The following DIP2A variants were observed in gnomAD, a reference collection of about 807,000 sequenced individuals.
The protein encoded by DIP2A is disco-interacting protein 2 homolog A.
Under a neutral mutation model 177.4 loss-of-function variants are expected in DIP2A, and 85 were observed. The ratio of observed to expected loss-of-function variants is 0.48; its 90% confidence interval spans 0.40 to 0.57. The LOEUF is 0.57. Ranked by LOEUF, DIP2A falls within the 20% of genes least tolerant of loss-of-function variation. The pLI is 0.00. For synonymous variants in DIP2A, 886 were observed against 881.8 expected, an observed-to-expected ratio of 1.00 and a Z score of -0.08; for missense variants, 1,791 against 2,100.2, an observed-to-expected ratio of 0.85 and a Z score of 2.88.
chr21:46,507,258 T>C (rs2058061070), intron 6 of DIP2A, among the ~76,000 whole-genome samples: 1 of 152,226 alleles, frequency 6.6e-6, no homozygotes. Flanking sequence ...TATATTGTGC[T>C]TTTGTGTCAT....
intron 1 of DIP2A, among the ~76,000 whole-genome samples, chr21:46,468,260 TC>T (rs2055024182): frequency 8.3e-5 from 2 of 24,152 alleles, no homozygotes; most frequent in Admixed American, 4.6e-4. Context: ...TGAGACTGTC[TC>T]AAAAAAAAAA....
Position 46,555,980 on chromosome 21 carries a change from A to C in DIP2A, c.3389-2A>C. On this transcript the variant is annotated splice_acceptor_variant, in intron 28 of 37. Transcript: ENST00000417564. LOFTEE classifies it high-confidence loss of function. ...ATGTTGCTGGTGTCTCCTGTTTAAC[A>C]GATGACATCCCAAAAAAGAAGATAG... is the stretch of plus-strand genomic sequence containing the variant. The C allele has an allele frequency of 6.2e-7, 1 of 1,610,766 alleles. No homozygotes were observed. Among genetic ancestry groups the C allele is most frequent in the Non-Finnish European group, 8.5e-7 (1 of 1,176,968 alleles).
rs765769903 is a variant in DIP2A, at chr21:46,541,720, C to G, written c.2037-36C>G. 1.8e-5 allele frequency: 29 copies of G among 1,612,396 alleles called. 1 individual carries two copies. In the South Asian group the frequency reaches 2.5e-4, roughly 14 times the overall value. ...CCCACCTCCCTGGAATTTCATCCCCCTCGTCAGTTAAACCCATGGTGGTTT... is the reference window on the plus strand; with the variant it reads ...CCCACCTCCCTGGAATTTCATCCCCGTCGTCAGTTAAACCCATGGTGGTTT... On this transcript the variant is annotated intron_variant, in intron 17 of 37. Transcript: ENST00000417564.
At chr21:46,550,084 T>C (rs1355453273) in intron 22 of DIP2A, 199 bp downstream of exon 22, 3 of 1,338,772 alleles carry the variant, frequency 2.2e-6, no homozygotes, top group Non-Finnish European at 2.9e-6. Context: ...AATTTATGAA[T>C]ACAATATAGA....
At chr21:46,530,743 G>A (rs1469526196) in intron 9 of DIP2A, among the ~76,000 whole-genome samples, 1 of 152,136 alleles carries the variant, frequency 6.6e-6, no homozygotes, top group Admixed American at 6.5e-5. Context: ...AACATTCAAG[G>A]ATGCACACCA....
At chr21:46,511,965 A>G (rs935045257) in intron 8 of DIP2A, among the ~76,000 whole-genome samples, 6 of 152,058 alleles carry the variant, frequency 3.9e-5, no homozygotes, top group Non-Finnish European at 8.8e-5. Flanking sequence ...TTTGTAACAC[A>G]AATAGTAAGC....
intron 1 of DIP2A, among the ~76,000 whole-genome samples, chr21:46,474,500 C>G (rs1007603813): frequency 6.6e-6 from 1 of 152,182 alleles, no homozygotes; most frequent in African/African-American, 2.4e-5. Context: ...GGAGACAGAA[C>G]ATGTGTGGGC....
chr21:46,536,801 G>A (rs1156542271), intron 13 of DIP2A, among the ~76,000 whole-genome samples: 1 of 152,036 alleles, frequency 6.6e-6, no homozygotes, highest in Non-Finnish European at 1.5e-5. Flanking sequence ...CTACTCGGGA[G>A]GCTCAGACAG....
chr21:46,554,099 G>A (rs1048541046), intron 25 of DIP2A, 70 bp from the exon 26 acceptor site: 19 of 1,533,260 alleles, frequency 1.2e-5, no homozygotes, highest in African/African-American at 2.7e-5. Flanking sequence ...CAGGTGGTGT[G>A]CACGCAGATC....
chr21:46,478,627 CTTTAA>C (rs1285308621), intron 1 of DIP2A, among the ~76,000 whole-genome samples: 1 of 151,974 alleles, frequency 6.6e-6, no homozygotes, highest in African/African-American at 2.4e-5. Flanking sequence ...TTCTTTAGGT[CTTTAA>C]TTTATCTCAG....
chr21:46,554,188 C>T lies in DIP2A; in HGVS notation c.3050C>T (p.Ala1017Val). 1.2e-6 allele frequency: 2 copies of T among 1,613,892 alleles called. No homozygotes were observed. The highest frequency in any genetic ancestry group is 1.7e-6 in the Non-Finnish European group (2 of 1,179,794). ...TCCTAGGGCACCGTCACAAGCACTG[C>T]AACCTGTGTCCAGCTGCACAAAAGG... Reference protein sequence around the residue: ...LNAKGTVTSTATCVQLHKRAE... With the variant: ...LNAKGTVTSTVTCVQLHKRAE... Residue 1017 changes from alanine to valine, a missense_variant, in exon 26 of 38, where the codon GCA becomes GTA. Ala to Val is a moderately conservative substitution (Grantham distance 64). Transcript: ENST00000417564.
At chr21:46,526,802 G>A (rs555535462) in intron 8 of DIP2A, among the ~76,000 whole-genome samples, 2 of 152,168 alleles carry the variant, frequency 1.3e-5, no homozygotes, top group Non-Finnish European at 2.9e-5. Context: ...CTACACCATC[G>A]TGTCATCTGC....
At chr21:46,541,630 T>A (rs2059821552) in intron 17 of DIP2A, 126 bp from the exon 18 acceptor site, 2 of 1,128,018 alleles carry the variant, frequency 1.8e-6, no homozygotes, top group Admixed American at 2.0e-5. Flanking sequence ...AGAACATGCG[T>A]TTCTCACAAG....
intron 1 of DIP2A, among the ~76,000 whole-genome samples, chr21:46,467,252 C>T (rs544322476): frequency 6.8e-6 from 1 of 148,076 alleles, no homozygotes; most frequent in Admixed American, 6.7e-5. Context: ...GCCGATATCG[C>T]ACCGCTGCAC....
intron 37 of DIP2A, among the ~76,000 whole-genome samples, 192 bp from the exon 38 acceptor site, chr21:46,567,178 C>T (rs1669159543): frequency 1.3e-5 from 2 of 152,204 alleles, no homozygotes; most frequent in African/African-American, 2.4e-5. Flanking sequence ...CTCTGATTCT[C>T]AGTAAAAGCT....
At chr21:46,520,900 G>A (rs1225769833) in intron 8 of DIP2A, among the ~76,000 whole-genome samples, 1 of 152,116 alleles carries the variant, frequency 6.6e-6, no homozygotes, top group Non-Finnish European at 1.5e-5. Context: ...TTGGACTTGA[G>A]AGGACCTAAT....
intron 9 of DIP2A, among the ~76,000 whole-genome samples, chr21:46,530,048 G>A (rs1021443054): frequency 6.6e-6 from 1 of 152,218 alleles, no homozygotes; most frequent in African/African-American, 2.4e-5. Context: ...AGTGTGGCTA[G>A]TAGCTACTGT....
At chr21:46,578,127 C>A in the DIP2A span, among the ~76,000 whole-genome samples, 1 of 152,166 alleles carries the variant, frequency 6.6e-6, no homozygotes, top group Non-Finnish European at 1.5e-5. Flanking sequence ...TCCTGGCCAA[C>A]ATGGTGAAAT....
chr21:46,571,240 T>C (rs1454402148), downstream of DIP2A, among the ~76,000 whole-genome samples: 1 of 152,130 alleles, frequency 6.6e-6, no homozygotes, highest in Non-Finnish European at 1.5e-5. Flanking sequence ...GTGGGACAGT[T>C]CCATTCCAAA....
Sources: allele counts gnomAD v4.1 joint callset (sites outside exome capture counted in the v4.1 genomes callset), GRCh38; gene constraint gnomAD v4.1.1; transcripts MANE v1.5; gene names NCBI Gene and HGNC (gene_info 2026-07-23, HGNC 2026-07-21).